ARHGAP20: variants seen among roughly 807,000 people sequenced by gnomAD.
The protein encoded by ARHGAP20 is Rho GTPase activating protein 20, also known as rho GTPase-activating protein 20.
ARHGAP20 carries 34 observed loss-of-function variants against 73.7 expected under a neutral mutation model. The ratio of observed to expected loss-of-function variants is 0.46; its 90% CI spans 0.35 to 0.61. ARHGAP20 has a LOEUF of 0.61. Among genes scored for constraint, ARHGAP20 ranks in the 20% least tolerant of loss-of-function variants. The probability of loss-of-function intolerance (pLI) is 0.00; values close to 1 mark genes in which losing one functional copy is unlikely to be tolerated. For missense variants in ARHGAP20, 1,314 were observed against 1,420.9 expected (o/e 0.92, Z 1.21); for synonymous variants, 523 against 518.2 (o/e 1.01, Z -0.13).
Position 110,579,569 on chromosome 11 carries a change from A to T in ARHGAP20, c.3377T>A (p.Phe1126Tyr). The T allele has an allele frequency of 6.2e-7, 1 of 1,613,792 alleles. No homozygotes were observed. The highest frequency in any genetic ancestry group is 8.5e-7 in the Non-Finnish European group (1 of 1,179,720). The change falls in exon 15 of 15, where the codon TTC (phenylalanine) becomes TAC (tyrosine). Residue 1126 changes from phenylalanine to tyrosine, a missense_variant. Phe to Tyr is a conservative substitution (Grantham distance 22, BLOSUM62 3). Around this residue, in one of 3 missense-constraint regions of ARHGAP20, gnomAD observed 641 missense variants for 636.9 expected, o/e 1.01. Coordinates refer to ENST00000683387, the MANE Select transcript of ARHGAP20 (RefSeq NM_001384657.1). ...QDSERHCSSPFSLVESRLKLC... is the reference protein window; with the variant it reads ...QDSERHCSSPYSLVESRLKLC... ...CTTAAGTCTGCTCTCCACCAGGCTG[A>T]ATGGAGAGCTACAGTGTCTCTCTGA... is the stretch of plus-strand genomic sequence containing the variant.
chr11:110,587,565 C>T (rs1947703174), intron 11 of ARHGAP20, among the ~76,000 whole-genome samples: 1 of 152,208 alleles, frequency 6.6e-6, no homozygotes, highest in Admixed American at 6.5e-5. Flanking sequence ...ATGAGCTCCT[C>T]CAGGGTAGGG....
At chr11:110,599,387 C>T (rs1948054271) in intron 9 of ARHGAP20, among the ~76,000 whole-genome samples, 1 of 152,148 alleles carries the variant, frequency 6.6e-6, no homozygotes, top group Admixed American at 6.5e-5. Flanking sequence ...CCCCTGGTGC[C>T]TTGGACTGCT....
At chr11:110,654,115 G>A (rs1272435984) in intron 2 of ARHGAP20, among the ~76,000 whole-genome samples, 3 of 152,138 alleles carry the variant, frequency 2.0e-5, no homozygotes, top group Admixed American at 2.0e-4. Context: ...ATACCCAGGT[G>A]TTGGGTTGAT....
intron 4 of ARHGAP20, among the ~76,000 whole-genome samples, chr11:110,618,466 G>A (rs907323756): frequency 6.6e-6 from 1 of 152,174 alleles, no homozygotes; most frequent in Admixed American, 6.5e-5. Context: ...TGTGTCTTTT[G>A]ACTGATTTTC....
intron 2 of ARHGAP20, among the ~76,000 whole-genome samples, chr11:110,669,667 G>A (rs1248439604): frequency 6.6e-6 from 1 of 152,162 alleles, no homozygotes; most frequent in African/African-American, 2.4e-5. Flanking sequence ...CAGAGCAAGT[G>A]TTGACGAAGA....
chr11:110,636,071 T>C (rs1591332819), intron 2 of ARHGAP20, among the ~76,000 whole-genome samples: 2 of 152,222 alleles, frequency 1.3e-5, no homozygotes, highest in South Asian at 2.1e-4. Context: ...TAACTGCTTC[T>C]TGATTATAAG....
chr11:110,647,653 G>A (rs1372345276), intron 2 of ARHGAP20, among the ~76,000 whole-genome samples: 3 of 152,032 alleles, frequency 2.0e-5, no homozygotes, highest in Admixed American at 1.3e-4. Context: ...AAAAAAATTT[G>A]TTAAAAAGAT....
Position 110,579,144 on chromosome 11 carries a change from C to CCTTTAATAAGAAAAAGCCT in ARHGAP20, c.*207_*225dup. The CCTTTAATAAGAAAAAGCCT allele has an allele frequency of 8.3e-7, 1 of 1,199,216 alleles. No individual in the cohort carries two copies. Among genetic ancestry groups the CCTTTAATAAGAAAAAGCCT allele is most frequent in the Non-Finnish European group, 1.0e-6 (1 of 960,826 alleles). 74.3% of individuals were successfully genotyped at this position (1,199,216 alleles called of 1,614,324 possible). A position where few individuals can be genotyped will look rare whatever the true frequency, so the allele number is the denominator to read the frequency against. On this transcript the variant is annotated 3_prime_UTR_variant, in exon 15 of 15. Transcript: ENST00000683387. Reference sequence around the variant, plus strand: ...AACCACATGACAGGACCAATCCCAACCTTTAATAAGAAAAAGCCTCCCAAA... The same window carrying CCTTTAATAAGAAAAAGCCT: ...AACCACATGACAGGACCAATCCCAACCTTTAATAAGAAAAAGCCTCTTTAATAAGAAAAAGCCTCCCAAA...
At chr11:110,710,890 A>T (rs1950636966) in intron 1 of ARHGAP20, among the ~76,000 whole-genome samples, 2 of 152,174 alleles carry the variant, frequency 1.3e-5, no homozygotes, top group South Asian at 4.1e-4. Flanking sequence ...TAACCCCTTT[A>T]AGTCTCTAAT....
intron 9 of ARHGAP20, among the ~76,000 whole-genome samples, chr11:110,597,225 C>T (rs1200488078): frequency 6.7e-6 from 1 of 150,374 alleles, no homozygotes; most frequent in Non-Finnish European, 1.5e-5. Flanking sequence ...ACCAACATGG[C>T]ACGTGTATAC....
At chr11:110,625,351 T>C (rs1319063107) in intron 3 of ARHGAP20, among the ~76,000 whole-genome samples, 4 of 152,160 alleles carry the variant, frequency 2.6e-5, no homozygotes, top group African/African-American at 9.7e-5. Context: ...TTTATTAAAA[T>C]GTTTATAAAA....
Position 110,578,012 on chromosome 11 carries a change from C to A in ARHGAP20, c.*1358G>T. 1.0e-6 allele frequency: 1 copy of A among 985,344 alleles called. No individual in the cohort carries two copies. Among genetic ancestry groups the A allele is most frequent in the Non-Finnish European group, 1.2e-6 (1 of 829,912 alleles). 61.0% of individuals were successfully genotyped at this position (985,344 alleles called of 1,614,324 possible). On this transcript the variant is annotated 3_prime_UTR_variant, in exon 15 of 15. Transcript: ENST00000683387. The stretch of plus-strand genomic sequence containing the variant: ...TAAATAAATGGGCTCAGAGCAACTT[C>A]TTATAGGTTAGTAGTTAATGTGAAA...
In ARHGAP20 at chr11:110,583,554, TG is replaced by T. The variant is rs748493360; in HGVS notation, c.1598del (p.Thr533LysfsTer11). The part of the protein sequence containing the change: ...SSSPELENEF[T>X]KKVSLLIQFL... Reference sequence around the variant, plus strand: ...AAATGAAAAACTTCATTACCTTTTTTGTAAATTCGTTTTCTAGTTCTGGGCT... The same window carrying T: ...AAATGAAAAACTTCATTACCTTTTTTTAAATTCGTTTTCTAGTTCTGGGCT... On this transcript the variant is annotated frameshift_variant, in exon 13 of 15. Coordinates refer to ENST00000683387, the MANE Select transcript of ARHGAP20 (RefSeq NM_001384657.1). LOFTEE classifies it high-confidence loss of function. The T allele has an allele frequency of 6.3e-7, 1 of 1,595,472 alleles. No individual in the cohort carries two copies. Among genetic ancestry groups the T allele is most frequent in the Non-Finnish European group, 8.6e-7 (1 of 1,169,062 alleles).
intron 2 of ARHGAP20, among the ~76,000 whole-genome samples, chr11:110,656,816 C>T (rs977028986): frequency 2.0e-5 from 3 of 152,166 alleles, no homozygotes; most frequent in African/African-American, 4.8e-5. Flanking sequence ...AGAACCCGCA[C>T]GTGAATGTCA....
At chr11:110,611,079 G>C (rs1243332040) in intron 7 of ARHGAP20, among the ~76,000 whole-genome samples, 3 of 151,902 alleles carry the variant, frequency 2.0e-5, no homozygotes, top group African/African-American at 4.8e-5. Flanking sequence ...TAAAATTATA[G>C]TCCAATCTTA....
intron 11 of ARHGAP20, chr11:110,589,643 T>C (rs1366739209): frequency 2.0e-6 from 2 of 985,304 alleles, no homozygotes; most frequent in Non-Finnish European, 2.4e-6. Context: ...TGTAGGTGTT[T>C]CCAAAAATGT....
chr11:110,610,735 G>A (rs1052043309), intron 7 of ARHGAP20, among the ~76,000 whole-genome samples: 25 of 152,116 alleles, frequency 1.6e-4, no homozygotes, highest in African/African-American at 5.8e-4. Flanking sequence ...GAAGAATGTG[G>A]TGTGCACACT....
chr11:110,606,808 AC>A, intron 8 of ARHGAP20, 59 bp from the exon 9 acceptor site: 1 of 1,395,350 alleles, frequency 7.2e-7, no homozygotes. Context: ...TAGCATGTGT[AC>A]TGCAAAATAG....
chr11:110,580,175 G>A lies in ARHGAP20; in HGVS notation c.2771C>T (p.Pro924Leu). Residue 924 changes from proline (P) to leucine (L), a missense_variant, in exon 15 of 15, where the codon CCC becomes CTC. By Grantham distance (98) the Pro-to-Leu change is moderately conservative. Coordinates refer to ENST00000683387, the MANE Select transcript of ARHGAP20 (RefSeq NM_001384657.1). Reference protein sequence around the residue: ...ATNQNTEKVLPPRLNLCPRTS... With the variant: ...ATNQNTEKVLLPRLNLCPRTS... ...CCTTGGGCAAAGGTTTAATCTTGGG[G>A]GTAAAACCTTCTCAGTGTTTTGGTT... 1 of 1,614,136 alleles carries A rather than the reference G, an allele frequency of 6.2e-7. No individual in the cohort carries two copies. The highest frequency in any genetic ancestry group is 1.6e-4 in the Middle Eastern group (1 of 6,062).
Sources: allele counts gnomAD v4.1 joint callset (sites outside exome capture counted in the v4.1 genomes callset), GRCh38; gene constraint gnomAD v4.1.1; regional missense constraint gnomAD v4.1.1; transcripts MANE v1.5; gene names NCBI Gene and HGNC (gene_info 2026-07-23, HGNC 2026-07-21).